Variants in EPHA5 observed in about 807,000 individuals in gnomAD.
The protein encoded by EPHA5 is EPH receptor A5, also known as ephrin type-A receptor 5.
In EPHA5, 60 loss-of-function variants were observed where a neutral mutation model predicts 105.0. The ratio of observed to expected loss-of-function variants is 0.57; its 90% CI spans 0.46 to 0.71. The LOEUF is 0.71. Among genes scored for constraint, EPHA5 ranks in the 30% least tolerant of loss-of-function variants. The pLI is 0.00. For synonymous variants in EPHA5, 513 were observed against 449.1 expected, an observed-to-expected ratio of 1.14 and a Z score of -1.80; for missense variants, 1,218 against 1,274.7, an observed-to-expected ratio of 0.96 and a Z score of 0.68.
chr4:65,414,592 C>A (rs1169222281), intron 6 of EPHA5, 149 bp from the exon 7 acceptor site: 3 of 829,792 alleles, frequency 3.6e-6, no homozygotes, highest in Non-Finnish European at 5.5e-6. Context: ...TCCTACACAT[C>A]CTAGGTGTGC....
intron 2 of EPHA5, among the ~76,000 whole-genome samples, chr4:65,616,991 G>A (rs191415532): frequency 9.7e-4 from 148 of 152,064 alleles, no homozygotes; most frequent in African/African-American, 3.1e-3. Flanking sequence ...ATAGAAAAGC[G>A]ATACAGTAAA....
intron 8 of EPHA5, among the ~76,000 whole-genome samples, chr4:65,381,956 C>T (rs1424790874): frequency 6.6e-6 from 1 of 151,716 alleles, no homozygotes; most frequent in East Asian, 1.9e-4. Context: ...TACTTGATGA[C>T]CCAAACTCTA....
chr4:65,396,198 C>T (rs1721219350), intron 8 of EPHA5, among the ~76,000 whole-genome samples: 1 of 152,226 alleles, frequency 6.6e-6, no homozygotes. Flanking sequence ...CTGTTAAAAC[C>T]TTGCTGGTGT....
chr4:65,393,388 C>G (rs1471034633), intron 8 of EPHA5, among the ~76,000 whole-genome samples: 1 of 152,142 alleles, frequency 6.6e-6, no homozygotes, highest in Admixed American at 6.6e-5. Context: ...GCCATTTCAG[C>G]TCTGAGAGTG....
Position 65,414,027 on chromosome 4 carries a change from A to G in EPHA5, c.1687+257T>C, listed in dbSNP as rs115731720. Among the ~76,000 whole-genome samples the G allele has an allele frequency of 2.6e-3, 393 of 152,314 alleles. 1 individual carries two copies. Among genetic ancestry groups the G allele is most frequent in the African/African-American group, 8.9e-3 (372 of 41,576 alleles). On this transcript the variant is annotated intron_variant, in intron 7 of 16. Coordinates refer to ENST00000613740, the MANE Select transcript of EPHA5 (RefSeq NM_001281766.3). ...CAGTAGAAAGAAAGTCTTTAAAAGCAAGTTTAAACATTTTTAAAGTATCTC... is the reference window on the plus strand; with the variant it reads ...CAGTAGAAAGAAAGTCTTTAAAAGCGAGTTTAAACATTTTTAAAGTATCTC...
At chr4:65,434,444 A>G (rs1725286470) in intron 5 of EPHA5, among the ~76,000 whole-genome samples, 1 of 152,096 alleles carries the variant, frequency 6.6e-6, no homozygotes, top group African/African-American at 2.4e-5. Context: ...TATTTCTAAT[A>G]TCTTTATTAT....
intron 3 of EPHA5, among the ~76,000 whole-genome samples, chr4:65,500,452 T>C (rs1294938434): frequency 3.3e-5 from 5 of 151,230 alleles, no homozygotes; most frequent in Non-Finnish European, 7.4e-5. Context: ...GTTTCCCCAC[T>C]TATCCTTTAA....
intron 3 of EPHA5, among the ~76,000 whole-genome samples, chr4:65,592,085 C>T (rs529000899): frequency 1.1e-4 from 16 of 152,006 alleles, no homozygotes; most frequent in African/African-American, 3.9e-4. Context: ...ATTTAGAATT[C>T]GTGAGTTTTC....
intron 3 of EPHA5, among the ~76,000 whole-genome samples, chr4:65,572,575 G>C (rs933927394): frequency 5.3e-5 from 8 of 152,158 alleles, no homozygotes; most frequent in Non-Finnish European, 2.9e-5. Context: ...TGAGCCATAT[G>C]CTAGCTGAAA....
chr4:65,352,761 T>G (rs943573088), intron 12 of EPHA5, among the ~76,000 whole-genome samples: 1 of 149,230 alleles, frequency 6.7e-6, no homozygotes, highest in African/African-American at 2.4e-5. Flanking sequence ...TTTCTTTTCC[T>G]CTCTTATTCC....
intron 11 of EPHA5, among the ~76,000 whole-genome samples, chr4:65,362,611 C>G (rs1286156528): frequency 2.6e-5 from 4 of 151,540 alleles, no homozygotes; most frequent in African/African-American, 4.8e-5. Flanking sequence ...AACTGCCTTT[C>G]TAACCACAGT....
chr4:65,492,988 G>GC (rs1553925710), intron 4 of EPHA5, among the ~76,000 whole-genome samples: 2 of 149,052 alleles, frequency 1.3e-5, no homozygotes, highest in African/African-American at 4.9e-5. Flanking sequence ...GTTTTGTTTT[G>GC]TTTTGTTTTT....
At chr4:65,419,396 G>A (rs1723722025) in intron 6 of EPHA5, among the ~76,000 whole-genome samples, 1 of 152,076 alleles carries the variant, frequency 6.6e-6, no homozygotes, top group South Asian at 2.1e-4. Context: ...CAGAAAAAAC[G>A]AAGGAGTGAT....
At chr4:65,574,124 G>A (rs1740537871) in intron 3 of EPHA5, 2 of 1,608,626 alleles carry the variant, frequency 1.2e-6, no homozygotes, top group East Asian at 4.5e-5. Context: ...AGAAGAAGCA[G>A]CTGCGGAAGC....
intron 8 of EPHA5, among the ~76,000 whole-genome samples, chr4:65,372,852 C>T (rs1486059921): frequency 6.6e-6 from 1 of 151,792 alleles, no homozygotes; most frequent in African/African-American, 2.4e-5. Context: ...AAATATTATA[C>T]ACATGAAATG....
chr4:65,665,983 C>T (rs1749933809), intron 1 of EPHA5, among the ~76,000 whole-genome samples: 1 of 152,144 alleles, frequency 6.6e-6, no homozygotes, highest in Non-Finnish European at 1.5e-5. Context: ...AAATGAATTA[C>T]AACAGGATGA....
intron 2 of EPHA5, among the ~76,000 whole-genome samples, chr4:65,625,207 C>CAA (rs1746026748): frequency 6.6e-6 from 1 of 151,686 alleles, no homozygotes; most frequent in African/African-American, 2.4e-5. Flanking sequence ...TGTTGTAGAA[C>CAA]AAATCTATTG....
chr4:65,507,564 C>T (rs2149253710), intron 3 of EPHA5, among the ~76,000 whole-genome samples: 1 of 152,184 alleles, frequency 6.6e-6, no homozygotes. Context: ...TTGTAGTTCT[C>T]CTTGAAGAGG....
At chr4:65,339,550 T>C (rs745996686) in intron 14 of EPHA5, among the ~76,000 whole-genome samples, 7 of 152,144 alleles carry the variant, frequency 4.6e-5, no homozygotes, top group Non-Finnish European at 7.4e-5. Flanking sequence ...ATATTTCTGG[T>C]CACAAAAACA....
Sources: gnomAD v4.1 joint callset for allele counts (sites outside exome capture counted in the v4.1 genomes callset) on GRCh38, gnomAD v4.1.1 for gene constraint, MANE v1.5 for transcripts, NCBI Gene and HGNC (gene_info 2026-07-23, HGNC 2026-07-21) for gene names.